The following XNDC1N variants were observed in gnomAD, a reference collection of about 807,000 sequenced individuals.
XNDC1N encodes the protein protein XNDC1N.
the XNDC1N span, chr11:71,903,480 C>G: frequency 1.3e-6 from 1 of 792,436 alleles, no homozygotes; most frequent in Non-Finnish European, 2.2e-6. Flanking sequence ...TGCAGGCTGC[C>G]TGACTCAGAT....
At chr11:71,890,625 G>A in the XNDC1N span, among the ~76,000 whole-genome samples, 4 of 151,930 alleles carry the variant, frequency 2.6e-5, no homozygotes, top group Non-Finnish European at 4.4e-5. Flanking sequence ...TGCAATATTG[G>A]CAATAATATG....
chr11:71,870,386 G>A, the XNDC1N span, among the ~76,000 whole-genome samples: 2 of 152,240 alleles, frequency 1.3e-5, no homozygotes, highest in South Asian at 2.1e-4. Context: ...CCTAATCCTG[G>A]GAAGCTGGTA....
chr11:71,907,244 G>A, the XNDC1N span, among the ~76,000 whole-genome samples: 1 of 152,108 alleles, frequency 6.6e-6, no homozygotes, highest in Non-Finnish European at 1.5e-5. Flanking sequence ...TAATGTCCCA[G>A]GGTGTTAACC....
the XNDC1N span, chr11:71,923,354 G>A: frequency 3.7e-5 from 26 of 702,938 alleles, 1 homozygote; most frequent in South Asian, 3.8e-4. Flanking sequence ...CAGGAGCCAT[G>A]GTGGGCCCAG....
chr11:71,926,718 T>C, the XNDC1N span, among the ~76,000 whole-genome samples: 1 of 151,878 alleles, frequency 6.6e-6, no homozygotes, highest in Non-Finnish European at 1.5e-5. Flanking sequence ...CTGGCCAACA[T>C]GGTGAAACCC....
chr11:71,882,568 A>T, the XNDC1N span, among the ~76,000 whole-genome samples: 1 of 152,218 alleles, frequency 6.6e-6, no homozygotes, highest in Admixed American at 6.5e-5. Flanking sequence ...TAATTTTCTT[A>T]GGTAACCAAA....
the XNDC1N span, chr11:71,903,165 G>A: frequency 2.1e-4 from 147 of 686,508 alleles, no homozygotes; most frequent in African/African-American, 2.4e-3. Context: ...TCTTTTCCAG[G>A]CAAAAGAGGG....
the XNDC1N span, chr11:71,903,648 TTC>T: frequency 1.2e-4 from 52 of 432,064 alleles, no homozygotes; most frequent in East Asian, 1.7e-4. Flanking sequence ...TGTTTTTTTT[TTC>T]TTTTTTTTTT....
At chr11:71,885,524 T>C in the XNDC1N span, among the ~76,000 whole-genome samples, 1 of 152,104 alleles carries the variant, frequency 6.6e-6, no homozygotes, top group East Asian at 1.9e-4. Context: ...AGTAACATCA[T>C]ACTCCACCCC....
At chr11:71,895,175 A>G in the XNDC1N span, among the ~76,000 whole-genome samples, 1 of 151,944 alleles carries the variant, frequency 6.6e-6, no homozygotes, top group East Asian at 1.9e-4. Flanking sequence ...TTTTAGAGGC[A>G]TCAAGCTCCA....
the XNDC1N span, among the ~76,000 whole-genome samples, chr11:71,873,059 G>A: frequency 1.8e-3 from 281 of 152,036 alleles, 1 homozygote; most frequent in Admixed American, 3.9e-3. Context: ...AAACTACCTA[G>A]TGGTCTTACT....
At chr11:71,917,842 G>A in the XNDC1N span, 1 of 683,372 alleles carries the variant, frequency 1.5e-6, no homozygotes, top group Non-Finnish European at 2.7e-6. Flanking sequence ...GAATACGGTG[G>A]AAGGAGGACA....
the XNDC1N span, among the ~76,000 whole-genome samples, chr11:71,922,915 G>A: frequency 6.6e-6 from 1 of 152,176 alleles, no homozygotes. Flanking sequence ...TTTTAGGAAG[G>A]AGGCTGAGAT....
At chr11:71,917,273 CAA>C in the XNDC1N span, 11 of 675,612 alleles carry the variant, frequency 1.6e-5, no homozygotes, top group African/African-American at 1.6e-4. Flanking sequence ...CCCAGTCTCC[CAA>C]AGTGCTGGGA....
At chr11:71,893,439 T>C in the XNDC1N span, 116 of 715,418 alleles carry the variant, frequency 1.6e-4, 1 homozygote, top group African/African-American at 2.1e-4. Context: ...CCAATCCTCT[T>C]TCCTTCTCAA....
At chr11:71,893,354 G>A in the XNDC1N span, 5 of 611,738 alleles carry the variant, frequency 8.2e-6, no homozygotes, top group Admixed American at 1.2e-4. Flanking sequence ...GCGGTGTATG[G>A]TCCGCAAGTG....
the XNDC1N span, among the ~76,000 whole-genome samples, chr11:71,866,692 A>T: frequency 6.6e-6 from 1 of 151,902 alleles, no homozygotes; most frequent in Admixed American, 6.6e-5. Flanking sequence ...TAAACCCAGG[A>T]GGGAGAGGTT....
At chr11:71,923,028 G>C in the XNDC1N span, among the ~76,000 whole-genome samples, 2 of 152,184 alleles carry the variant, frequency 1.3e-5, no homozygotes, top group Non-Finnish European at 2.9e-5. Flanking sequence ...GAGGATCCTG[G>C]TGCAGTTTCT....
At chr11:71,888,378 A>T in the XNDC1N span, among the ~76,000 whole-genome samples, 1 of 152,144 alleles carries the variant, frequency 6.6e-6, no homozygotes, top group South Asian at 2.1e-4. Flanking sequence ...TTGCAGTATT[A>T]GCCAAGCCTT....
Sources: allele counts gnomAD v4.1 joint callset (sites outside exome capture counted in the v4.1 genomes callset), GRCh38; gene constraint gnomAD v4.1.1; transcripts MANE v1.5; gene names NCBI Gene and HGNC (gene_info 2026-07-23, HGNC 2026-07-21).